The following FGF12 variants were observed in gnomAD, a reference collection of about 807,000 sequenced individuals.
FGF12 encodes fibroblast growth factor 12.
In FGF12, 14 loss-of-function variants were observed where a neutral mutation model predicts 23.6. That is an observed-to-expected ratio of 0.59 (90% CI 0.39 to 0.93). FGF12 has a LOEUF of 0.93. Among genes scored for constraint, FGF12 ranks in the 40% least tolerant of loss-of-function variants. The pLI is 0.00. For missense variants in FGF12, 175 were observed against 217.8 expected (o/e 0.80, Z 1.24); for synonymous variants, 62 against 77.3 (o/e 0.80, Z 1.04).
chr3:192,205,550 GC>G (rs2108668855), intron 4 of FGF12, among the ~76,000 whole-genome samples: 1 of 152,294 alleles, frequency 6.6e-6, no homozygotes, highest in East Asian at 1.9e-4. Context: ...AAACTTAAGT[GC>G]CCAGCAAGAA....
chr3:192,412,980 G>T (rs957735726), intron 2 of FGF12, among the ~76,000 whole-genome samples: 3 of 152,088 alleles, frequency 2.0e-5, no homozygotes, highest in Admixed American at 6.5e-5. Flanking sequence ...ATTATGAGTG[G>T]AAGAAGTTTT....
intron 2 of FGF12, among the ~76,000 whole-genome samples, chr3:192,658,336 T>G (rs1181618945): frequency 6.6e-6 from 1 of 152,240 alleles, no homozygotes; most frequent in Non-Finnish European, 1.5e-5. Context: ...GCTGCATTGC[T>G]TCTGTAGCTC....
intron 5 of FGF12, among the ~76,000 whole-genome samples, chr3:192,157,493 G>T (rs1488038332): frequency 6.6e-6 from 1 of 150,960 alleles, no homozygotes. Flanking sequence ...GTAGGATTAG[G>T]TATGGATTTT....
At chr3:192,291,997 A>G (rs1310278144) in intron 4 of FGF12, among the ~76,000 whole-genome samples, 2 of 152,222 alleles carry the variant, frequency 1.3e-5, no homozygotes, top group East Asian at 3.8e-4. Context: ...AAGTAGAAAT[A>G]GGAAGGCAAA....
At chr3:192,330,199 G>A (rs1047156936) in intron 4 of FGF12, among the ~76,000 whole-genome samples, 15 of 151,962 alleles carry the variant, frequency 9.9e-5, no homozygotes, top group African/African-American at 3.1e-4. Context: ...TCTCAATGTC[G>A]TTTTTTGCAC....
rs541760694 is a variant in FGF12, at chr3:192,362,239, CT to C, written c.14-1702del. On this transcript the variant is annotated intron_variant, in intron 2 of 5. Coordinates refer to ENST00000445105, the MANE Select transcript of FGF12 (RefSeq NM_004113.6). ...CTAACGTCACTGCAAACAACTCTCT[CT>C]TTTTTTTAAAATTATACTTTTAGTT... Among the ~76,000 whole-genome samples the C allele has an allele frequency of 3.6e-3, 546 of 152,170 alleles. 5 individuals are homozygous for C. The highest frequency in any genetic ancestry group is 0.012 in the African/African-American group (495 of 41,520).
intron 2 of FGF12, among the ~76,000 whole-genome samples, chr3:192,453,326 T>G (rs1722581683): frequency 6.6e-6 from 1 of 152,184 alleles, no homozygotes; most frequent in Non-Finnish European, 1.5e-5. Flanking sequence ...TCCTTCTATA[T>G]CTAAACTTAT....
intron 2 of FGF12, among the ~76,000 whole-genome samples, chr3:192,395,745 C>A (rs1720488398): frequency 6.6e-6 from 1 of 152,136 alleles, no homozygotes; most frequent in Admixed American, 6.6e-5. Flanking sequence ...ATTCATTCTA[C>A]CTGGAAGGAT....
intron 4 of FGF12, among the ~76,000 whole-genome samples, chr3:192,282,500 A>T (rs545417416): frequency 1.3e-5 from 2 of 152,152 alleles, no homozygotes; most frequent in East Asian, 3.9e-4. Flanking sequence ...TTCTTTAAGG[A>T]GTGGCTAAGT....
At chr3:192,425,201 C>T (rs114322803) in intron 2 of FGF12, among the ~76,000 whole-genome samples, 2 of 152,126 alleles carry the variant, frequency 1.3e-5, no homozygotes, top group Non-Finnish European at 2.9e-5. Flanking sequence ...AACATAATTT[C>T]TCTCCTTAGA....
chr3:192,646,649 T>G (rs2108671761), intron 2 of FGF12, among the ~76,000 whole-genome samples: 1 of 152,188 alleles, frequency 6.6e-6, no homozygotes, highest in Non-Finnish European at 1.5e-5. Context: ...TAATATGAAA[T>G]GTTCATAGTA....
At chr3:192,156,856 A>G (rs1182124613) in intron 5 of FGF12, among the ~76,000 whole-genome samples, 2 of 152,142 alleles carry the variant, frequency 1.3e-5, no homozygotes, top group African/African-American at 4.8e-5. Flanking sequence ...CTTTCTTCAA[A>G]TCAAAGCACA....
At chr3:192,252,486 A>G (rs1457919662) in intron 4 of FGF12, among the ~76,000 whole-genome samples, 1 of 148,516 alleles carries the variant, frequency 6.7e-6, no homozygotes, top group African/African-American at 2.5e-5. Context: ...AAAAAAAAAA[A>G]AAAAAAAGAA....
At chr3:192,196,712 C>T (rs894872959) in intron 4 of FGF12, among the ~76,000 whole-genome samples, 4 of 152,140 alleles carry the variant, frequency 2.6e-5, no homozygotes, top group Admixed American at 6.5e-5. Flanking sequence ...TCAAGGTAGA[C>T]GTGACAGCAT....
intron 4 of FGF12, among the ~76,000 whole-genome samples, chr3:192,199,919 T>C (rs1313261985): frequency 6.6e-6 from 1 of 152,170 alleles, no homozygotes; most frequent in Non-Finnish European, 1.5e-5. Context: ...AGGCCAATCA[T>C]ATACATGTAC....
intron 2 of FGF12, among the ~76,000 whole-genome samples, chr3:192,700,099 A>C (rs558136626): frequency 6.6e-6 from 1 of 152,218 alleles, no homozygotes; most frequent in Non-Finnish European, 1.5e-5. Flanking sequence ...GGTGGTAATT[A>C]GCACGTTTCC....
chr3:192,161,377 A>G (rs1577189210), intron 5 of FGF12, among the ~76,000 whole-genome samples: 1 of 152,128 alleles, frequency 6.6e-6, no homozygotes, highest in Non-Finnish European at 1.5e-5. Flanking sequence ...TGTTCTAAGA[A>G]TACACATTTG....
intron 2 of FGF12, among the ~76,000 whole-genome samples, chr3:192,507,108 G>C (rs1430095661): frequency 6.6e-6 from 1 of 151,772 alleles, no homozygotes; most frequent in African/African-American, 2.4e-5. Context: ...TAGCCAGCAT[G>C]GTCTTGATCT....
intron 4 of FGF12, among the ~76,000 whole-genome samples, chr3:192,321,517 C>CA (rs1011707219): frequency 2.1e-5 from 3 of 141,878 alleles, no homozygotes; most frequent in African/African-American, 7.8e-5. Flanking sequence ...AAAAACCACA[C>CA]AAAAAAACTA....
Sources: gnomAD v4.1 joint callset for allele counts (sites outside exome capture counted in the v4.1 genomes callset) on GRCh38, gnomAD v4.1.1 for gene constraint, MANE v1.5 for transcripts, NCBI Gene and HGNC (gene_info 2026-07-23, HGNC 2026-07-21) for gene names.